Variants in CNTD1 observed in about 807,000 individuals in gnomAD.
CNTD1 encodes the protein cyclin N-terminal domain-containing protein 1.
A neutral mutation model predicts 36.3 loss-of-function variants in CNTD1; 17 were observed. The ratio of observed to expected loss-of-function variants is 0.47; its 90% CI spans 0.32 to 0.70. The LOEUF (loss-of-function observed/expected upper bound fraction) is 0.70, where lower values mean the gene tolerates loss of function less well. Ranked by LOEUF, CNTD1 falls within the 30% of genes least tolerant of loss-of-function variation. The pLI, the probability that CNTD1 is intolerant of heterozygous loss-of-function variation, is 0.03. For missense variants in CNTD1, 338 were observed against 386.1 expected (o/e 0.88, Z 1.04); for synonymous variants, 128 against 153.3 (o/e 0.83, Z 1.22).
chr17:42,807,122 A>G (rs1012458737), intron 5 of CNTD1, among the ~76,000 whole-genome samples: 2 of 145,326 alleles, frequency 1.4e-5, no homozygotes, highest in South Asian at 2.1e-4. Context: ...AGTCATTTAG[A>G]AAAAAAAACA....
In CNTD1 at chr17:42,807,822, TGCA is replaced by T; in HGVS notation, c.784_786del (p.Ala262del). 6.2e-7 allele frequency: 1 copy of T among 1,614,190 alleles called. No individual in the cohort carries two copies. The highest frequency in any genetic ancestry group is 8.5e-7 in the Non-Finnish European group (1 of 1,180,014). The stretch of plus-strand genomic sequence containing the variant: ...TCATGCTGTTGGCAGTAGGAATCAT[TGCA>T]GCAAGTGCTTTCATCCAAAACCATG... On this transcript the variant is annotated inframe_deletion, in exon 6 of 7. Transcript: ENST00000588408.
chr17:42,806,644 T>C (rs746763366), intron 4 of CNTD1, 30 bp from the exon 5 acceptor site: 2 of 1,609,712 alleles, frequency 1.2e-6, no homozygotes, highest in Non-Finnish European at 1.7e-6. Flanking sequence ...TGATCATAAA[T>C]TCTCCCTATC....
chr17:42,811,525 A>G lies in CNTD1; in HGVS notation c.*1990A>G, dbSNP rs1240599251. 3.3e-6 allele frequency: 4 copies of G among 1,205,970 alleles called. No homozygotes were observed. The highest frequency in any genetic ancestry group is 1.5e-5 in the South Asian group (1 of 66,804). 74.7% of individuals were successfully genotyped at this position (1,205,970 alleles called of 1,614,324 possible). ...GTACTGGGTCAGTCTCTGCCCATCA[A>G]TGTCATGTGATTCTGTGCCATTTTT... On this transcript the variant is annotated 3_prime_UTR_variant, in exon 7 of 7. Coordinates refer to ENST00000588408, the MANE Select transcript of CNTD1 (RefSeq NM_173478.3).
chr17:42,807,113 G>C (rs1415122800), intron 5 of CNTD1, among the ~76,000 whole-genome samples: 2 of 151,774 alleles, frequency 1.3e-5, no homozygotes, highest in African/African-American at 2.4e-5. Context: ...GCTTTGGTCA[G>C]TCATTTAGAA....
chr17:42,811,417 T>C lies in CNTD1; in HGVS notation c.*1882T>C, dbSNP rs2055002253. 2 of 415,048 alleles carry C rather than the reference T, an allele frequency of 4.8e-6. No individual in the cohort carries two copies. The highest frequency in any genetic ancestry group is 8.4e-6 in the Non-Finnish European group (2 of 239,210). The allele number at this position is 415,048 out of a possible 1,614,324, so 25.7% of individuals were successfully genotyped here. A position where few individuals can be genotyped will look rare whatever the true frequency, so the allele number is the denominator to read the frequency against. On this transcript the variant is annotated 3_prime_UTR_variant, in exon 7 of 7. Coordinates refer to ENST00000588408, the MANE Select transcript of CNTD1 (RefSeq NM_173478.3). ...GAAACTGGAGAGGAGGCTTGAGCTC[T>C]ATGCCAAGAAAACCCCCTAAACCAT...
Position 42,808,179 on chromosome 17 carries a change from G to A in CNTD1, c.822+315G>A, listed in dbSNP as rs772781599. On this transcript the variant is annotated intron_variant, in intron 6 of 6. Transcript: ENST00000588408. Reference sequence around the variant, plus strand: ...AATCCCAGGATTTTGGGAGGCCAAGGCAGGAGAACTGTTTGAGCCCAGGAG... The same window carrying A: ...AATCCCAGGATTTTGGGAGGCCAAGACAGGAGAACTGTTTGAGCCCAGGAG... Among the ~76,000 whole-genome samples, 19 of 152,298 alleles carry A rather than the reference G, an allele frequency of 1.2e-4. No homozygotes were observed. The South Asian group carries it at 1.7e-3, about 13-fold the overall frequency.
At position 42,811,474 on chromosome 17, in the gene CNTD1, G is replaced by T; in HGVS notation, c.*1939G>T. On this transcript the variant is annotated 3_prime_UTR_variant, in exon 7 of 7. Coordinates refer to ENST00000588408, the MANE Select transcript of CNTD1 (RefSeq NM_173478.3). ...CAACATTCTTCTACTCCAAGGACTA[G>T]GTGGTCACATTCTGTCCTGCTTGCA... 1.5e-6 allele frequency: 1 copy of T among 645,502 alleles called. No individual in the cohort carries two copies. Among genetic ancestry groups the T allele is most frequent in the Non-Finnish European group, 2.4e-6 (1 of 409,682 alleles). 40.0% of individuals were successfully genotyped at this position (645,502 alleles called of 1,614,324 possible).
intron 1 of CNTD1, among the ~76,000 whole-genome samples, chr17:42,801,543 A>G (rs2054793359): frequency 4.0e-5 from 2 of 50,444 alleles, no homozygotes; most frequent in East Asian, 2.2e-3. Flanking sequence ...ATATATATAT[A>G]TATAATATAT....
intron 1 of CNTD1, among the ~76,000 whole-genome samples, chr17:42,799,736 G>C (rs569758414): frequency 1.4e-5 from 1 of 73,658 alleles, no homozygotes; most frequent in African/African-American, 5.3e-5. Flanking sequence ...TAGACGACAA[G>C]AATGAAACTC....
At chr17:42,802,390 A>G (rs938082922) in intron 1 of CNTD1, among the ~76,000 whole-genome samples, 8 of 152,176 alleles carry the variant, frequency 5.3e-5, no homozygotes, top group African/African-American at 1.7e-4. Context: ...TTTTTTTGGC[A>G]AATTAAAATG....
chr17:42,801,238 A>C (rs1479733999), intron 1 of CNTD1, among the ~76,000 whole-genome samples: 2 of 150,602 alleles, frequency 1.3e-5, no homozygotes, highest in Non-Finnish European at 1.5e-5. Flanking sequence ...ACACAGACAC[A>C]CTACATAAAT....
intron 4 of CNTD1, among the ~76,000 whole-genome samples, chr17:42,806,438 A>G (rs547632752): frequency 6.6e-6 from 1 of 152,246 alleles, no homozygotes; most frequent in Admixed American, 6.5e-5. Context: ...CTTTATAGAG[A>G]GGCATAAGAT....
chr17:42,807,405 A>G (rs2054898466), intron 5 of CNTD1, among the ~76,000 whole-genome samples: 1 of 151,510 alleles, frequency 6.6e-6, no homozygotes, highest in Non-Finnish European at 1.5e-5. Flanking sequence ...ACAGAGAGAG[A>G]CTCCGTCTCA....
chr17:42,809,043 G>A (rs1397224954), intron 6 of CNTD1, among the ~76,000 whole-genome samples: 1 of 152,240 alleles, frequency 6.6e-6, no homozygotes, highest in Non-Finnish European at 1.5e-5. Flanking sequence ...GGGCAACAGA[G>A]TGAGACCCTG....
At chr17:42,805,253 A>G (rs1003039782) in intron 3 of CNTD1, among the ~76,000 whole-genome samples, 1 of 152,248 alleles carries the variant, frequency 6.6e-6, no homozygotes, top group Non-Finnish European at 1.5e-5. Context: ...TGCCATGGCT[A>G]CAACAGTACA....
intron 6 of CNTD1, among the ~76,000 whole-genome samples, 194 bp downstream of exon 6, chr17:42,808,058 G>C (rs1369895846): frequency 6.6e-6 from 1 of 152,170 alleles, no homozygotes; most frequent in Non-Finnish European, 1.5e-5. Flanking sequence ...TATAAAACTG[G>C]AAATGGAGGC....
At chr17:42,806,872 GA>G in intron 5 of CNTD1, 54 bp downstream of exon 5, 7 of 1,561,636 alleles carry the variant, frequency 4.5e-6, no homozygotes, top group Non-Finnish European at 6.2e-6. Flanking sequence ...AGGGGAGACA[GA>G]CCACAAGAAC....
intron 1 of CNTD1, among the ~76,000 whole-genome samples, chr17:42,801,329 C>T (rs2054779431): frequency 2.0e-5 from 3 of 148,776 alleles, no homozygotes; most frequent in African/African-American, 4.9e-5. Flanking sequence ...AACCCCATCT[C>T]TACTAAAAAT....
chr17:42,800,136 A>G (rs1288446935), intron 1 of CNTD1, among the ~76,000 whole-genome samples: 2 of 151,964 alleles, frequency 1.3e-5, no homozygotes, highest in East Asian at 3.9e-4. Flanking sequence ...CCTTCAAACC[A>G]TGTGCAATTT....
Sources: gnomAD v4.1 joint callset for allele counts (sites outside exome capture counted in the v4.1 genomes callset) on GRCh38, gnomAD v4.1.1 for gene constraint, MANE v1.5 for transcripts, NCBI Gene and HGNC (gene_info 2026-07-23, HGNC 2026-07-21) for gene names.